PRKG1: variants seen among roughly 807,000 people sequenced by gnomAD.
PRKG1 encodes the protein protein kinase cGMP-dependent 1.
PRKG1 carries 35 observed loss-of-function variants against 88.1 expected under a neutral mutation model. The observed-to-expected ratio is 0.40, with a 90% CI of 0.30 to 0.53. The LOEUF (loss-of-function observed/expected upper bound fraction) is 0.53. PRKG1 is among the 20% of genes least tolerant of loss of function. PRKG1 has a pLI of 0.59. For missense variants in PRKG1, 540 were observed against 839.8 expected, an observed-to-expected ratio of 0.64 and a Z score of 4.41; for synonymous variants, 303 against 292.5, an observed-to-expected ratio of 1.04 and a Z score of -0.37.
At chr10:51,699,630 G>A in intron 3 of PRKG1, 1 of 1,493,726 alleles carries the variant, frequency 6.7e-7, no homozygotes. Flanking sequence ...CTGAGCAACG[G>A]AAGCGGCTTT....
At chr10:51,635,566 A>G (rs1839637390) in intron 3 of PRKG1, among the ~76,000 whole-genome samples, 3 of 152,130 alleles carry the variant, frequency 2.0e-5, no homozygotes, top group Admixed American at 1.3e-4. Flanking sequence ...TTGGGTGTTG[A>G]TTAGAAAAAT....
At chr10:51,856,791 C>T (rs1840691274) in intron 4 of PRKG1, among the ~76,000 whole-genome samples, 1 of 151,674 alleles carries the variant, frequency 6.6e-6, no homozygotes, top group South Asian at 2.1e-4. Flanking sequence ...CGGTGAAACC[C>T]CGTCTCTACT....
intron 4 of PRKG1, among the ~76,000 whole-genome samples, chr10:51,894,488 AT>A (rs1841795551): frequency 6.6e-6 from 1 of 152,190 alleles, no homozygotes; most frequent in South Asian, 2.1e-4. Flanking sequence ...TTGCATAACA[AT>A]ATGAATATTG....
At chr10:51,006,151 CT>C (rs1341244974) in intron 1 of PRKG1, among the ~76,000 whole-genome samples, 1 of 152,156 alleles carries the variant, frequency 6.6e-6, no homozygotes, top group Non-Finnish European at 1.5e-5. Context: ...TGTATTTGAG[CT>C]TTTTCATGTG....
At chr10:52,019,034 A>C (rs570498032) in intron 5 of PRKG1, among the ~76,000 whole-genome samples, 2 of 152,260 alleles carry the variant, frequency 1.3e-5, no homozygotes, top group South Asian at 4.1e-4. Context: ...GGATATTGAC[A>C]TCTGGTGAGG....
intron 2 of PRKG1, among the ~76,000 whole-genome samples, chr10:51,389,237 T>C (rs1361620629): frequency 6.6e-6 from 1 of 152,234 alleles, no homozygotes; most frequent in Non-Finnish European, 1.5e-5. Context: ...TTTTACAGCT[T>C]TGCTTCCGTT....
intron 3 of PRKG1, among the ~76,000 whole-genome samples, chr10:51,676,920 CATG>C (rs1199083751): frequency 6.6e-6 from 1 of 152,144 alleles, no homozygotes; most frequent in Non-Finnish European, 1.5e-5. Flanking sequence ...TAAAATATGA[CATG>C]ATGAAAACTA....
At chr10:51,759,805 TA>T (rs1173365846) in intron 3 of PRKG1, among the ~76,000 whole-genome samples, 3 of 152,096 alleles carry the variant, frequency 2.0e-5, no homozygotes, top group Non-Finnish European at 4.4e-5. Context: ...TGTGTGTGTA[TA>T]ATAAATGTGG....
chr10:51,799,512 A>G (rs1839109800), intron 3 of PRKG1, among the ~76,000 whole-genome samples: 2 of 151,654 alleles, frequency 1.3e-5, no homozygotes, highest in South Asian at 4.2e-4. Context: ...ATATCTAGCA[A>G]TCCCCGTGGC....
chr10:51,595,513 G>A (rs116415536), intron 3 of PRKG1, among the ~76,000 whole-genome samples: 10,848 of 151,838 alleles, frequency 0.071, 1,263 homozygotes, highest in African/African-American at 0.25. Context: ...GCCTGTAATA[G>A]TAGCTACTTG....
At chr10:51,945,450 T>G (rs1000055295) in intron 5 of PRKG1, among the ~76,000 whole-genome samples, 1 of 150,252 alleles carries the variant, frequency 6.7e-6, no homozygotes, top group Non-Finnish European at 1.5e-5. Context: ...ATTTAGTCCG[T>G]TTACATTTAA....
chr10:51,454,811 G>C (rs293273), intron 2 of PRKG1, among the ~76,000 whole-genome samples: 52,221 of 151,930 alleles, frequency 0.34, 9,866 homozygotes, highest in African/African-American at 0.48. Context: ...CACATAACAT[G>C]TGGGAATTAT....
chr10:51,793,498 C>G (rs1838926374), intron 3 of PRKG1, among the ~76,000 whole-genome samples: 1 of 151,974 alleles, frequency 6.6e-6, no homozygotes, highest in African/African-American at 2.4e-5. Context: ...TAGCAGAAAA[C>G]TTTTCAAACC....
At chr10:51,864,994 A>C (rs1302700147) in intron 4 of PRKG1, among the ~76,000 whole-genome samples, 6 of 152,160 alleles carry the variant, frequency 3.9e-5, no homozygotes, top group Non-Finnish European at 8.8e-5. Flanking sequence ...TAATTATGGA[A>C]TATAAATGAA....
Position 52,171,785 on chromosome 10 carries a change from A to ATTTTTTTTTTTTT in PRKG1, c.1076+9822_1076+9823insTTTTTTTTTTTTT, listed in dbSNP as rs1358641112. ...AATAGAAGTATTTTTCTTTTATCAA[A>ATTTTTTTTTTTTT]ATTTTTTTTTTTTTTTTTTTTTTTT... On this transcript the variant is annotated intron_variant, in intron 9 of 17. Transcript: ENST00000373980. Among the ~76,000 whole-genome samples, 12 of 122,668 alleles carry ATTTTTTTTTTTTT rather than the reference A, an allele frequency of 9.8e-5. 1 individual carries two copies. The East Asian group carries it at 1.6e-3, about 16-fold the overall frequency. The allele number at this position is 122,668 out of a possible 152,430, so 80.5% of individuals were successfully genotyped here. A position where few individuals can be genotyped will look rare whatever the true frequency, so the allele number is the denominator to read the frequency against.
At chr10:52,213,272 A>T (rs1840029522) in intron 9 of PRKG1, among the ~76,000 whole-genome samples, 2 of 152,348 alleles carry the variant, frequency 1.3e-5, no homozygotes, top group South Asian at 4.1e-4. Flanking sequence ...AGTTGGCAAC[A>T]AATGTGTTCA....
chr10:51,054,078 T>G (rs1307799252), intron 1 of PRKG1, among the ~76,000 whole-genome samples: 1 of 152,170 alleles, frequency 6.6e-6, no homozygotes, highest in Admixed American at 6.5e-5. Context: ...CAATATCTTA[T>G]TGTGCCCCTT....
chr10:52,086,605 G>C (rs1022275052), intron 7 of PRKG1, among the ~76,000 whole-genome samples: 2 of 151,758 alleles, frequency 1.3e-5, no homozygotes, highest in East Asian at 1.9e-4. Flanking sequence ...GGGTTTCACC[G>C]TGTTGGCCAG....
At chr10:52,177,748 T>C (rs1838902929) in intron 9 of PRKG1, among the ~76,000 whole-genome samples, 1 of 152,072 alleles carries the variant, frequency 6.6e-6, no homozygotes, top group African/African-American at 2.4e-5. Flanking sequence ...CAGGAATTTA[T>C]CCATTTTCTC....
Sources: allele counts gnomAD v4.1 joint callset (sites outside exome capture counted in the v4.1 genomes callset), GRCh38; gene constraint gnomAD v4.1.1; transcripts MANE v1.5; gene names NCBI Gene and HGNC (gene_info 2026-07-23, HGNC 2026-07-21).